The following PARD6G variants were observed in gnomAD, a reference collection of about 807,000 sequenced individuals.
PARD6G encodes par-6 family cell polarity regulator gamma.
A neutral mutation model predicts 10.7 loss-of-function variants in PARD6G; 7 were observed. The ratio of observed to expected loss-of-function variants is 0.66; its 90% confidence interval spans 0.37 to 1.23. The LOEUF (loss-of-function observed/expected upper bound fraction) is 1.23. PARD6G is among the 50% of genes most tolerant of loss of function. The pLI is 0.02. For synonymous variants in PARD6G, 287 were observed against 269.4 expected, an observed-to-expected ratio of 1.07 and a Z score of -0.64; for missense variants, 548 against 571.8, an observed-to-expected ratio of 0.96 and a Z score of 0.42.
chr18:80,225,992 CTTT>C (rs773409002), intron 1 of PARD6G, among the ~76,000 whole-genome samples: 1 of 152,014 alleles, frequency 6.6e-6, no homozygotes, highest in Non-Finnish European at 1.5e-5. Context: ...TTCCAGGCTT[CTTT>C]AACATGTATG....
At position 80,161,565 on chromosome 18, in the gene PARD6G, CAG is replaced by C. The variant is rs2052700940; in HGVS notation, c.296-961_296-960del. Among the ~76,000 whole-genome samples, 1 of 152,058 alleles carries C rather than the reference CAG, an allele frequency of 6.6e-6. No homozygotes were observed. Among genetic ancestry groups the C allele is most frequent in the African/African-American group, 2.4e-5 (1 of 41,492 alleles). ...TCTGAATAATGCATTTTCCTCATGT[CAG>C]AAAAAAAATCTTGTTTCATTAATTT... On this transcript the variant is annotated intron_variant, in intron 2 of 2. Coordinates refer to ENST00000353265, the MANE Select transcript of PARD6G (RefSeq NM_032510.4). This position sits in a 1 kb window ranked among gnomAD's most constrained non-coding sequence, Gnocchi z 4.6.
intron 1 of PARD6G, among the ~76,000 whole-genome samples, chr18:80,238,502 A>AC (rs139761767): frequency 2.8e-4 from 43 of 151,946 alleles, no homozygotes; most frequent in African/African-American, 8.9e-4. Flanking sequence ...AAAAAAAAAA[A>AC]CAACTATTTT....
At position 80,192,586 on chromosome 18, in the gene PARD6G, T is replaced by C. The variant is rs1966908680; in HGVS notation, c.295+10124A>G. On this transcript the variant is annotated intron_variant, in intron 2 of 2. Transcript: ENST00000353265. This position sits in a 1 kb window ranked among gnomAD's most constrained non-coding sequence, Gnocchi z 4.9. ...ACGGCGGGAGCCTGAAGCTCCACAA[T>C]TGCCAAGGCAGCCCCAGGGACCTGT... is the stretch of plus-strand genomic sequence containing the variant. 6.6e-6 allele frequency among the ~76,000 whole-genome samples: 1 copy of C among 151,840 alleles called. No individual in the cohort carries two copies. Among genetic ancestry groups the C allele is most frequent in the Admixed American group, 6.6e-5 (1 of 15,262 alleles).
chr18:80,242,302 C>T (rs1341362341), intron 1 of PARD6G, among the ~76,000 whole-genome samples: 1 of 152,212 alleles, frequency 6.6e-6, no homozygotes, highest in Non-Finnish European at 1.5e-5. Flanking sequence ...ACAGGTGAGT[C>T]AAACCATGTC....
chr18:80,193,353 G>C (rs1388849319), intron 2 of PARD6G, among the ~76,000 whole-genome samples: 4 of 152,216 alleles, frequency 2.6e-5, no homozygotes, highest in African/African-American at 9.6e-5. Flanking sequence ...TTCTGAAAAA[G>C]TGTAATCCCT....
At chr18:80,219,120 C>T (rs1357407389) in intron 1 of PARD6G, among the ~76,000 whole-genome samples, 4 of 152,246 alleles carry the variant, frequency 2.6e-5, no homozygotes, top group Non-Finnish European at 4.4e-5. Context: ...GACATTTTCC[C>T]CATTGTCTTG....
At chr18:80,216,022 G>A (rs893433909) in intron 1 of PARD6G, among the ~76,000 whole-genome samples, 3 of 151,956 alleles carry the variant, frequency 2.0e-5, no homozygotes, top group African/African-American at 7.2e-5. Context: ...AAGAGAAAAA[G>A]ATATTTTATA....
At chr18:80,165,830 C>T (rs774569124) in intron 2 of PARD6G, among the ~76,000 whole-genome samples, 1 of 152,186 alleles carries the variant, frequency 6.6e-6, no homozygotes, top group Non-Finnish European at 1.5e-5. Flanking sequence ...ACCTGTAATC[C>T]CAGCACTTTG....
At chr18:80,216,370 C>A (rs771948165) in intron 1 of PARD6G, among the ~76,000 whole-genome samples, 4 of 152,006 alleles carry the variant, frequency 2.6e-5, no homozygotes, top group Non-Finnish European at 4.4e-5. Context: ...CATACTTAGG[C>A]CCTAAAACAA....
At chr18:80,208,556 C>T (rs926051432) in intron 1 of PARD6G, among the ~76,000 whole-genome samples, 1 of 152,136 alleles carries the variant, frequency 6.6e-6, no homozygotes, top group African/African-American at 2.4e-5. Context: ...AGGGAGCCAT[C>T]CTATCCCGGG....
chr18:80,240,386 T>C (rs1402747730), intron 1 of PARD6G, among the ~76,000 whole-genome samples: 2 of 152,238 alleles, frequency 1.3e-5, no homozygotes, highest in African/African-American at 4.8e-5. Flanking sequence ...GGACCATTTC[T>C]GAACCAGTAG....
rs1046015851 is a variant in PARD6G at position 80,159,323 on chromosome 18, C to CA, written c.*447dup. The CA allele has an allele frequency of 4.5e-5, 7 of 153,946 alleles. No individual in the cohort carries two copies. The highest frequency in any genetic ancestry group is 1.7e-4 in the African/African-American group (7 of 41,530). The allele number at this position is 153,946 out of a possible 1,614,324, so 9.5% of individuals were successfully genotyped here. On this transcript the variant is annotated 3_prime_UTR_variant, in exon 3 of 3. Transcript: ENST00000353265. ...TTAAAAACCAGCCTCTTGTCACGTA[C>CA]ATCAGCACAGTCGGCCTCGCCTGCA...
chr18:80,174,140 C>T (rs1157569134), intron 2 of PARD6G, among the ~76,000 whole-genome samples: 10 of 152,212 alleles, frequency 6.6e-5, no homozygotes, highest in African/African-American at 1.9e-4. Context: ...AGAGCCCTCA[C>T]CTTTTGTGCT....
intron 2 of PARD6G, among the ~76,000 whole-genome samples, chr18:80,191,665 A>G (rs548699389): frequency 2.6e-5 from 4 of 152,358 alleles, no homozygotes; most frequent in Middle Eastern, 3.4e-3. Context: ...CAAGTCTACA[A>G]GGGCATATGC....
chr18:80,218,959 G>A (rs1029394702), intron 1 of PARD6G, among the ~76,000 whole-genome samples: 4 of 152,334 alleles, frequency 2.6e-5, no homozygotes, highest in East Asian at 1.9e-4. Context: ...TTTTAGCCGC[G>A]GCTGGAGTGG....
chr18:80,159,672 G>A lies in PARD6G; in HGVS notation c.*99C>T. The A allele has an allele frequency of 7.6e-7, 1 of 1,311,410 alleles. No homozygotes were observed. The highest frequency in any genetic ancestry group is 9.7e-7 in the Non-Finnish European group (1 of 1,027,328). 81.2% of individuals were successfully genotyped at this position (1,311,410 alleles called of 1,614,324 possible). A position where few individuals can be genotyped will look rare whatever the true frequency, so the allele number is the denominator to read the frequency against. ...AAACAAAGAGCAGCGTTGTTTTTGT[G>A]GTCACAAAAACAACAAAAAATGAGC... On this transcript the variant is annotated 3_prime_UTR_variant, in exon 3 of 3. Transcript: ENST00000353265.
intron 2 of PARD6G, among the ~76,000 whole-genome samples, chr18:80,190,437 G>A (rs139928712): frequency 2.2e-4 from 33 of 152,294 alleles, no homozygotes; most frequent in Admixed American, 6.5e-4. Context: ...CCAAGGAGGT[G>A]TCCCTTTAGG....
At chr18:80,187,207 T>G (rs2052884740) in intron 2 of PARD6G, among the ~76,000 whole-genome samples, 1 of 152,192 alleles carries the variant, frequency 6.6e-6, no homozygotes, top group Admixed American at 6.5e-5. Flanking sequence ...CTCTAACCTG[T>G]TCTCTGGCCC....
chr18:80,205,878 CATAAG>C (rs2145283235), intron 1 of PARD6G, among the ~76,000 whole-genome samples: 1 of 152,292 alleles, frequency 6.6e-6, no homozygotes, highest in African/African-American at 2.4e-5. Context: ...TAACTGAATA[CATAAG>C]ATAATTTAAT....
Sources: gnomAD v4.1 joint callset for allele counts (sites outside exome capture counted in the v4.1 genomes callset) on GRCh38, gnomAD v4.1.1 for gene constraint, Gnocchi (gnomAD v3.1) non-coding constraint, MANE v1.5 for transcripts, NCBI Gene and HGNC (gene_info 2026-07-23, HGNC 2026-07-21) for gene names.